Variants in STAG1 observed in about 807,000 individuals in gnomAD.
STAG1 encodes cohesin subunit SA-1.
Under a neutral mutation model 170.9 loss-of-function variants are expected in STAG1, and 26 were observed. The ratio of observed to expected loss-of-function variants is 0.15; its 90% CI spans 0.11 to 0.21. STAG1 has a LOEUF of 0.21. Ranked by LOEUF, STAG1 falls within the 10% of genes least tolerant of loss-of-function variation. The probability of loss-of-function intolerance (pLI) is 1.00; values close to 1 mark genes in which losing one functional copy is unlikely to be tolerated. For synonymous variants in STAG1, 514 were observed against 497.7 expected, an observed-to-expected ratio of 1.03 and a Z score of -0.44; for missense variants, 964 against 1,509.5, an observed-to-expected ratio of 0.64 and a Z score of 5.99.
chr3:136,711,897 AT>A (rs1228091933), intron 1 of STAG1, among the ~76,000 whole-genome samples: 19 of 152,270 alleles, frequency 1.2e-4, no homozygotes, highest in Non-Finnish European at 2.5e-4. Flanking sequence ...AGTAAATAAA[AT>A]TTATAGATGA....
At chr3:136,714,392 C>T (rs1943465099) in intron 1 of STAG1, among the ~76,000 whole-genome samples, 1 of 152,004 alleles carries the variant, frequency 6.6e-6, no homozygotes, top group Non-Finnish European at 1.5e-5. Context: ...ACCTAGGAGT[C>T]TGAGAATCCT....
chr3:136,532,718 C>G (rs1272797326), intron 6 of STAG1, among the ~76,000 whole-genome samples: 4 of 152,090 alleles, frequency 2.6e-5, no homozygotes, highest in African/African-American at 9.7e-5. Context: ...AATCCAACAA[C>G]GCTTCATGAT....
At chr3:136,416,094 A>G (rs1331737094) in intron 21 of STAG1, among the ~76,000 whole-genome samples, 1 of 151,774 alleles carries the variant, frequency 6.6e-6, no homozygotes, top group Admixed American at 6.6e-5. Flanking sequence ...TGCAACCTCT[A>G]CCTACTGGGT....
Position 136,423,040 on chromosome 3 carries a change from A to G in STAG1, c.1655T>C (p.Leu552Pro). 6.3e-7 allele frequency: 1 copy of G among 1,598,464 alleles called. No individual in the cohort carries two copies. Among genetic ancestry groups the G allele is most frequent in the East Asian group, 2.2e-5 (1 of 44,596 alleles). The change falls in exon 17 of 34, where the codon CTA (leucine) becomes CCA (proline). Residue 552 changes from leucine to proline, a missense_variant. Physicochemically the swap from Leu to Pro is moderately conservative, Grantham distance 98. Around this residue, in one of 11 missense-constraint regions of STAG1, gnomAD observed 232 missense variants for 313.0 expected, o/e 0.74. Coordinates refer to ENST00000383202, the MANE Select transcript of STAG1 (RefSeq NM_005862.3). ...PVGRGTGKRV[L>P]TAKERKTQID... ...TTGAGTTTTCCTTTCTTTGGCAGTTAGCACCTAGAAACAAAATCGGAAAAG... is the reference window on the plus strand; with the variant it reads ...TTGAGTTTTCCTTTCTTTGGCAGTTGGCACCTAGAAACAAAATCGGAAAAG...
chr3:136,408,201 T>G (rs2087535735), intron 21 of STAG1, among the ~76,000 whole-genome samples: 1 of 152,226 alleles, frequency 6.6e-6, no homozygotes, highest in African/African-American at 2.4e-5. Context: ...CACATCCAAG[T>G]GTATATTTAT....
At chr3:136,685,771 A>C (rs1267485308) in intron 1 of STAG1, among the ~76,000 whole-genome samples, 1 of 152,222 alleles carries the variant, frequency 6.6e-6, no homozygotes, top group African/African-American at 2.4e-5. Context: ...ATGACTGCAA[A>C]GGGTTGGGGG....
At chr3:136,675,800 T>C (rs1057176523) in intron 1 of STAG1, among the ~76,000 whole-genome samples, 1 of 152,070 alleles carries the variant, frequency 6.6e-6, no homozygotes, top group Non-Finnish European at 1.5e-5. Context: ...ATTATTAACA[T>C]TTGTGTCCAG....
At chr3:136,542,952 C>T (rs1935979341) in intron 5 of STAG1, among the ~76,000 whole-genome samples, 3 of 152,088 alleles carry the variant, frequency 2.0e-5, no homozygotes, top group African/African-American at 7.2e-5. Context: ...TATGATTAAC[C>T]ACTACTCTTT....
At chr3:136,625,702 T>G (rs1015120115) in intron 2 of STAG1, among the ~76,000 whole-genome samples, 11 of 152,220 alleles carry the variant, frequency 7.2e-5, no homozygotes, top group African/African-American at 2.4e-4. Context: ...TGTTTCTCAC[T>G]CTTTCCAGGA....
rs1458951569 is a variant in STAG1, at chr3:136,630,931, TAATC to T, written c.-37_-34del. The stretch of plus-strand genomic sequence containing the variant: ...GAGGTCCTTTCACAATGCAGCAAAA[TAATC>T]AAGTGCTGTACAACTCAAAACTTTT... On this transcript the variant is annotated 5_prime_UTR_variant, in exon 2 of 34. Transcript: ENST00000383202. The T allele has an allele frequency of 6.4e-7, 1 of 1,557,306 alleles. No homozygotes were observed. The highest frequency in any genetic ancestry group is 8.7e-7 in the Non-Finnish European group (1 of 1,149,518).
intron 24 of STAG1, among the ~76,000 whole-genome samples, chr3:136,367,479 C>A (rs939152802): frequency 6.6e-6 from 1 of 151,942 alleles, no homozygotes; most frequent in Non-Finnish European, 1.5e-5. Context: ...AATCAATCCC[C>A]CACAATACTG....
intron 32 of STAG1, 96 bp downstream of exon 32, chr3:136,340,395 T>A: frequency 1.3e-6 from 1 of 774,190 alleles, no homozygotes; most frequent in Non-Finnish European, 2.2e-6. Flanking sequence ...GTGCTGGGAT[T>A]ACAGGTGTGA....
chr3:136,732,632 CAG>C (rs1424204852), intron 1 of STAG1, among the ~76,000 whole-genome samples: 9 of 152,134 alleles, frequency 5.9e-5, no homozygotes, highest in Non-Finnish European at 8.8e-5. Flanking sequence ...GTTTTTGAGA[CAG>C]AGTCTTGCTC....
intron 13 of STAG1, among the ~76,000 whole-genome samples, chr3:136,458,404 G>A (rs1050491776): frequency 1.3e-5 from 2 of 152,160 alleles, no homozygotes; most frequent in African/African-American, 4.8e-5. Context: ...AGATCTGCCT[G>A]CCTTGGCCTC....
intron 1 of STAG1, among the ~76,000 whole-genome samples, chr3:136,743,123 T>C (rs1462776987): frequency 2.0e-5 from 3 of 152,066 alleles, no homozygotes; most frequent in African/African-American, 7.2e-5. Flanking sequence ...TCCTAACACT[T>C]TGGGAGGCCG....
At chr3:136,451,748 G>GT (rs1192671771) in intron 14 of STAG1, among the ~76,000 whole-genome samples, 1 of 151,532 alleles carries the variant, frequency 6.6e-6, no homozygotes, top group Non-Finnish European at 1.5e-5. Flanking sequence ...GGGTGACAGA[G>GT]TGAGACCCTG....
chr3:136,617,500 A>T (rs1194675306), intron 3 of STAG1, among the ~76,000 whole-genome samples: 1 of 152,216 alleles, frequency 6.6e-6, no homozygotes, highest in Non-Finnish European at 1.5e-5. Context: ...CATTACAGAT[A>T]AGGAGCTATA....
intron 5 of STAG1, among the ~76,000 whole-genome samples, chr3:136,555,562 A>C (rs1045374718): frequency 1.3e-5 from 2 of 152,034 alleles, no homozygotes; most frequent in South Asian, 4.2e-4. Flanking sequence ...TCACACCTGT[A>C]ATTCTAGCTA....
intron 25 of STAG1, among the ~76,000 whole-genome samples, chr3:136,365,928 T>C (rs1937056814): frequency 6.6e-6 from 1 of 151,732 alleles, no homozygotes; most frequent in Admixed American, 6.6e-5. Context: ...GGCAAGGGCT[T>C]GTCTTCCTTC....
Sources: gnomAD v4.1 joint callset for allele counts (sites outside exome capture counted in the v4.1 genomes callset) on GRCh38, gnomAD v4.1.1 for gene constraint, gnomAD v4.1.1 regional missense constraint, MANE v1.5 for transcripts, NCBI Gene and HGNC (gene_info 2026-07-23, HGNC 2026-07-21) for gene names.